Variants in UNC5D observed in about 807,000 individuals in gnomAD.
UNC5D encodes the protein netrin receptor UNC5D.
A neutral mutation model predicts 105.4 loss-of-function variants in UNC5D; 39 were observed. The observed-to-expected ratio is 0.37, with a 90% CI of 0.29 to 0.48. UNC5D has a LOEUF of 0.48. Among genes scored for constraint, UNC5D ranks in the 20% least tolerant of loss-of-function variants. The probability of loss-of-function intolerance (pLI) is 0.98; values close to 1 mark genes in which losing one functional copy is unlikely to be tolerated. For synonymous variants in UNC5D, 452 were observed against 450.4 expected (o/e 1.00, Z -0.04); for missense variants, 991 against 1,202.4 (o/e 0.82, Z 2.60).
intron 1 of UNC5D, among the ~76,000 whole-genome samples, chr8:35,521,250 G>A (rs1450784903): frequency 6.6e-6 from 1 of 152,072 alleles, no homozygotes; most frequent in Admixed American, 6.6e-5. Context: ...TGAGAGGTGA[G>A]AGAAAATAAC....
At chr8:35,363,328 CT>C (rs768737828) in intron 1 of UNC5D, among the ~76,000 whole-genome samples, 104 of 152,180 alleles carry the variant, frequency 6.8e-4, no homozygotes, top group Non-Finnish European at 1.4e-3. Flanking sequence ...GTGGAACCCC[CT>C]AATAAAACCA....
intron 1 of UNC5D, among the ~76,000 whole-genome samples, chr8:35,476,200 G>A (rs1810084591): frequency 6.6e-6 from 1 of 152,102 alleles, no homozygotes; most frequent in South Asian, 2.1e-4. Context: ...TAAGAAATGA[G>A]CCTTCAGATG....
intron 1 of UNC5D, among the ~76,000 whole-genome samples, chr8:35,490,356 A>T (rs1175496809): frequency 1.3e-5 from 2 of 152,142 alleles, no homozygotes; most frequent in Admixed American, 6.5e-5. Flanking sequence ...TTTTAAAATT[A>T]TCCATCTCTA....
intron 1 of UNC5D, among the ~76,000 whole-genome samples, chr8:35,264,449 C>T (rs916189476): frequency 9.9e-5 from 15 of 152,252 alleles, no homozygotes; most frequent in African/African-American, 3.4e-4. Context: ...AATATTTGAC[C>T]GGGTGCAGTG....
chr8:35,671,791 T>G (rs1324884240), intron 4 of UNC5D, among the ~76,000 whole-genome samples: 1 of 152,122 alleles, frequency 6.6e-6, no homozygotes, highest in African/African-American at 2.4e-5. Flanking sequence ...GATGAATAAG[T>G]GTAGAGTCTT....
chr8:35,654,012 A>G lies in UNC5D; in HGVS notation c.571-29535A>G, dbSNP rs184610430. On this transcript the variant is annotated intron_variant, in intron 4 of 16. Coordinates refer to ENST00000404895, the MANE Select transcript of UNC5D (RefSeq NM_080872.4). Reference sequence around the variant, plus strand: ...CATCTGCAGGAATTCTTTGTGGCCTATGCTTAGAATGTGTTTTTCTGGAGA... The same window carrying G: ...CATCTGCAGGAATTCTTTGTGGCCTGTGCTTAGAATGTGTTTTTCTGGAGA... Among the ~76,000 whole-genome samples the G allele has an allele frequency of 9.9e-5, 15 of 152,222 alleles. No homozygotes were observed. In the East Asian group the frequency reaches 2.7e-3, roughly 28 times the overall value.
At chr8:35,405,073 C>T (rs1409687078) in intron 1 of UNC5D, among the ~76,000 whole-genome samples, 5 of 152,074 alleles carry the variant, frequency 3.3e-5, no homozygotes, top group African/African-American at 1.2e-4. Flanking sequence ...ATTTATGAAA[C>T]ATAAAGCTTT....
intron 11 of UNC5D, among the ~76,000 whole-genome samples, chr8:35,739,844 A>G (rs983068687): frequency 2.0e-5 from 3 of 152,196 alleles, no homozygotes; most frequent in African/African-American, 7.2e-5. Flanking sequence ...ACACCAGCCC[A>G]CACAGAGACA....
chr8:35,500,199 T>G (rs974707720), intron 1 of UNC5D, among the ~76,000 whole-genome samples: 1 of 152,212 alleles, frequency 6.6e-6, no homozygotes, highest in African/African-American at 2.4e-5. Flanking sequence ...TTTCTTATAG[T>G]TCTGGAGACT....
chr8:35,408,398 T>G (rs557675486), intron 1 of UNC5D, among the ~76,000 whole-genome samples: 3 of 151,458 alleles, frequency 2.0e-5, no homozygotes, highest in Admixed American at 6.6e-5. Context: ...ATGATAGTCT[T>G]AACGCACATC....
chr8:35,778,289 T>A (rs1033152620), intron 16 of UNC5D, among the ~76,000 whole-genome samples: 1 of 152,222 alleles, frequency 6.6e-6, no homozygotes, highest in African/African-American at 2.4e-5. Context: ...CACAGTCACC[T>A]TGCACTCTCT....
intron 2 of UNC5D, among the ~76,000 whole-genome samples, chr8:35,556,359 A>T (rs1171403972): frequency 2.0e-5 from 3 of 152,056 alleles, no homozygotes; most frequent in African/African-American, 7.2e-5. Context: ...CTTGCATGCG[A>T]TTCAGTCATT....
chr8:35,372,863 A>G (rs1802501419), intron 1 of UNC5D, among the ~76,000 whole-genome samples: 2 of 152,122 alleles, frequency 1.3e-5, no homozygotes, highest in South Asian at 4.1e-4. Context: ...TGGCCTCCCA[A>G]AGTACTGGGA....
At chr8:35,589,517 C>G (rs1054130242) in intron 3 of UNC5D, among the ~76,000 whole-genome samples, 1 of 151,364 alleles carries the variant, frequency 6.6e-6, no homozygotes, top group East Asian at 1.9e-4. Flanking sequence ...TGCAGTTTAC[C>G]TATTTAAAGT....
At chr8:35,691,567 C>T (rs979333931) in intron 7 of UNC5D, among the ~76,000 whole-genome samples, 5 of 152,252 alleles carry the variant, frequency 3.3e-5, no homozygotes, top group East Asian at 1.9e-4. Context: ...AGTGAATCCA[C>T]GAATCTAAAT....
chr8:35,600,940 A>G lies in UNC5D; in HGVS notation c.570+5283A>G, dbSNP rs547447056. Among the ~76,000 whole-genome samples, 5 of 152,126 alleles carry G rather than the reference A, an allele frequency of 3.3e-5. No homozygotes were observed. In the South Asian group the frequency reaches 6.2e-4, roughly 19 times the overall value. On this transcript the variant is annotated intron_variant, in intron 4 of 16. Transcript: ENST00000404895. ...GGGTTTTTATGGTTTTAGGTCTAAC[A>G]TTTAAGTCTTTAATCCATCTTGAAT...
At chr8:35,651,805 G>A (rs1224022351) in intron 4 of UNC5D, among the ~76,000 whole-genome samples, 2 of 152,118 alleles carry the variant, frequency 1.3e-5, no homozygotes, top group Non-Finnish European at 2.9e-5. Context: ...GTATGTTTGA[G>A]ATTCATTTAA....
Position 35,743,489 on chromosome 8 carries a change from G to T in UNC5D, c.1767-5038G>T, listed in dbSNP as rs1251512642. The stretch of plus-strand genomic sequence containing the variant: ...GATGGGGTCTCACCATGTTGGCCAG[G>T]CTGGTCTTGAACTCCTGACCTCGAG... On this transcript the variant is annotated intron_variant, in intron 11 of 16. Coordinates refer to ENST00000404895, the MANE Select transcript of UNC5D (RefSeq NM_080872.4). Among the ~76,000 whole-genome samples the T allele has an allele frequency of 2.0e-5, 3 of 151,472 alleles. No individual in the cohort carries two copies. The South Asian group carries it at 6.3e-4, about 32-fold the overall frequency.
chr8:35,587,402 T>C (rs1209302633), intron 3 of UNC5D, among the ~76,000 whole-genome samples: 1 of 152,218 alleles, frequency 6.6e-6, no homozygotes, highest in Non-Finnish European at 1.5e-5. Context: ...TTCCTAGTCA[T>C]CTTAACTGCC....
Sources: allele counts gnomAD v4.1 joint callset (sites outside exome capture counted in the v4.1 genomes callset), GRCh38; gene constraint gnomAD v4.1.1; transcripts MANE v1.5; gene names NCBI Gene and HGNC (gene_info 2026-07-23, HGNC 2026-07-21).